The following CTNNA3 variants were observed in gnomAD, a reference collection of about 807,000 sequenced individuals.
The protein encoded by CTNNA3 is catenin alpha-3.
CTNNA3 carries 76 observed loss-of-function variants against 95.7 expected under a neutral mutation model. That is an observed-to-expected ratio of 0.79 (90% CI 0.66 to 0.96). CTNNA3 has a LOEUF of 0.96. Ranked by LOEUF, CTNNA3 falls within the 40% of genes least tolerant of loss-of-function variation. The pLI, the probability that CTNNA3 is intolerant of heterozygous loss-of-function variation, is 0.00. For synonymous variants in CTNNA3, 431 were observed against 374.4 expected (o/e 1.15, Z -1.74); for missense variants, 1,191 against 1,089.8 (o/e 1.09, Z -1.31).
intron 7 of CTNNA3, among the ~76,000 whole-genome samples, chr10:67,016,026 TAC>T (rs998165293): frequency 3.3e-4 from 44 of 134,198 alleles, no homozygotes; most frequent in Non-Finnish European, 5.5e-4. Context: ...TATTGCTGTA[TAC>T]TCTCTTCTTT....
At chr10:65,963,067 C>T (rs2077884543) in intron 17 of CTNNA3, among the ~76,000 whole-genome samples, 1 of 152,072 alleles carries the variant, frequency 6.6e-6, no homozygotes, top group Non-Finnish European at 1.5e-5. Context: ...ATCCTTTAGT[C>T]CCTTATCTTT....
intron 1 of CTNNA3, among the ~76,000 whole-genome samples, chr10:67,726,462 TATG>T (rs1564841184): frequency 4.2e-5 from 2 of 47,470 alleles, no homozygotes; most frequent in Admixed American, 4.2e-4. Flanking sequence ...ATATATGATA[TATG>T]ATATAATATT....
chr10:66,853,352 T>C (rs577011754), intron 7 of CTNNA3, among the ~76,000 whole-genome samples: 1 of 152,102 alleles, frequency 6.6e-6, no homozygotes, highest in East Asian at 1.9e-4. Flanking sequence ...TAATTAAGCT[T>C]TGCAAAATGA....
At chr10:65,984,033 T>A (rs1355863038) in intron 16 of CTNNA3, among the ~76,000 whole-genome samples, 2 of 151,380 alleles carry the variant, frequency 1.3e-5, no homozygotes, top group East Asian at 3.9e-4. Flanking sequence ...GATATATATA[T>A]AAACATGCAT....
rs571539130 is a variant in CTNNA3 at position 66,149,847 on chromosome 10, C to CA, written c.1885-46599dup. 3.7e-3 allele frequency among the ~76,000 whole-genome samples: 556 copies of CA among 151,578 alleles called. 2 individuals carry two copies. Among genetic ancestry groups the CA allele is most frequent in the African/African-American group, 0.013 (537 of 41,418 alleles). ...GGAATAAACTATCTCATTATTATAG[C>CA]AAAAAAAATTAAACCATAAAAGTAT... On this transcript the variant is annotated intron_variant, in intron 13 of 17. Transcript: ENST00000433211.
intron 16 of CTNNA3, among the ~76,000 whole-genome samples, chr10:65,982,505 T>C (rs1324085349): frequency 6.7e-6 from 1 of 149,098 alleles, no homozygotes; most frequent in African/African-American, 2.5e-5. Flanking sequence ...CTACTAGATA[T>C]CTACCCAGAG....
chr10:66,313,049 G>T (rs1193264881), intron 12 of CTNNA3, among the ~76,000 whole-genome samples: 3 of 152,162 alleles, frequency 2.0e-5, no homozygotes, highest in Non-Finnish European at 4.4e-5. Context: ...GGAAAAGGAA[G>T]AGAGTCTAGA....
At chr10:66,550,181 A>C (rs1262402115) in intron 10 of CTNNA3, among the ~76,000 whole-genome samples, 1 of 152,120 alleles carries the variant, frequency 6.6e-6, no homozygotes, top group Admixed American at 6.6e-5. Flanking sequence ...TATCATGATA[A>C]AATTTTTACA....
At chr10:67,059,318 G>C in intron 7 of CTNNA3, among the ~76,000 whole-genome samples, 1 of 152,126 alleles carries the variant, frequency 6.6e-6, no homozygotes. Context: ...AAATGGTAGA[G>C]ACTTCTATTT....
intron 7 of CTNNA3, among the ~76,000 whole-genome samples, chr10:67,111,600 T>C (rs1858912101): frequency 6.6e-6 from 1 of 152,020 alleles, no homozygotes; most frequent in African/African-American, 2.4e-5. Flanking sequence ...TTAAAATATA[T>C]CAAGATTATT....
chr10:67,649,619 T>C (rs1166009717), intron 1 of CTNNA3, among the ~76,000 whole-genome samples: 6 of 152,252 alleles, frequency 3.9e-5, no homozygotes, highest in Non-Finnish European at 8.8e-5. Flanking sequence ...ATGCTATTTC[T>C]TATTTTTAAA....
chr10:66,251,754 T>A (rs1327516055), intron 13 of CTNNA3, among the ~76,000 whole-genome samples: 1 of 152,208 alleles, frequency 6.6e-6, no homozygotes, highest in Non-Finnish European at 1.5e-5. Flanking sequence ...AAATTAGAAA[T>A]ATCAACATTG....
intron 10 of CTNNA3, among the ~76,000 whole-genome samples, chr10:66,558,737 A>G (rs1842464218): frequency 6.6e-6 from 1 of 152,144 alleles, no homozygotes; most frequent in African/African-American, 2.4e-5. Flanking sequence ...TACACCTGTC[A>G]GCAAGAGTCT....
intron 5 of CTNNA3, among the ~76,000 whole-genome samples, chr10:67,401,685 G>T (rs1337799555): frequency 6.6e-6 from 1 of 152,088 alleles, no homozygotes; most frequent in South Asian, 2.1e-4. Context: ...ACCTGATGAG[G>T]GGGTCATCTA....
chr10:66,637,791 C>T (rs1026100036), intron 9 of CTNNA3, among the ~76,000 whole-genome samples: 2 of 152,166 alleles, frequency 1.3e-5, no homozygotes, highest in Non-Finnish European at 2.9e-5. Flanking sequence ...AAGCCCAGTT[C>T]ATTTTTCATC....
chr10:67,039,080 G>T (rs1288234673), intron 7 of CTNNA3, among the ~76,000 whole-genome samples: 1 of 151,976 alleles, frequency 6.6e-6, no homozygotes, highest in Non-Finnish European at 1.5e-5. Context: ...TATTTTTACA[G>T]TTTCTACCTG....
chr10:67,582,558 G>T (rs1391229921), intron 3 of CTNNA3, among the ~76,000 whole-genome samples: 1 of 152,196 alleles, frequency 6.6e-6, no homozygotes, highest in Admixed American at 6.5e-5. Flanking sequence ...GGAGAGCTCT[G>T]TAGATGTCTA....
At chr10:65,965,447 C>T (rs2077941337) in intron 17 of CTNNA3, among the ~76,000 whole-genome samples, 1 of 140,828 alleles carries the variant, frequency 7.1e-6, no homozygotes, top group South Asian at 2.3e-4. Context: ...CATTGTCGCC[C>T]AGGCTGGAGT....
At chr10:67,691,595 G>A (rs1354807633) in intron 1 of CTNNA3, among the ~76,000 whole-genome samples, 2 of 151,614 alleles carry the variant, frequency 1.3e-5, no homozygotes, top group Admixed American at 6.6e-5. Context: ...CGTCTGAGAA[G>A]TGAGGAGACC....
Sources: gnomAD v4.1 joint callset for allele counts (sites outside exome capture counted in the v4.1 genomes callset) on GRCh38, gnomAD v4.1.1 for gene constraint, MANE v1.5 for transcripts, NCBI Gene and HGNC (gene_info 2026-07-23, HGNC 2026-07-21) for gene names.